The following SMC5 variants were observed in gnomAD, a reference collection of about 807,000 sequenced individuals.
The protein encoded by SMC5 is structural maintenance of chromosomes protein 5.
A neutral mutation model predicts 148.3 loss-of-function variants in SMC5; 88 were observed. That is an observed-to-expected ratio of 0.59 (90% CI 0.50 to 0.71). SMC5 has a LOEUF of 0.71. SMC5 is among the 30% of genes least tolerant of loss of function. SMC5 has a pLI of 0.00. For missense variants in SMC5, 1,142 were observed against 1,298.9 expected (o/e 0.88, Z 1.86); for synonymous variants, 421 against 432.8 (o/e 0.97, Z 0.34).
chr9:70,323,391 A>C, intron 15 of SMC5, 92 bp from the exon 16 acceptor site: 1 of 1,286,866 alleles, frequency 7.8e-7, no homozygotes, highest in Non-Finnish European at 1.1e-6. Context: ...AGTATTGCTA[A>C]ATATATCCCA....
Position 70,352,337 on chromosome 9 carries a change from G to A in SMC5, c.*6G>A. On this transcript the variant is annotated 3_prime_UTR_variant, in exon 25 of 25. Coordinates refer to ENST00000361138, the MANE Select transcript of SMC5 (RefSeq NM_015110.4). Reference sequence around the variant, plus strand: ...CATTCACTCAACCTTCTTAATAAAAGTAAAGAGAGGGAACTTGGGAATTTT... The same window carrying A: ...CATTCACTCAACCTTCTTAATAAAAATAAAGAGAGGGAACTTGGGAATTTT... The A allele has an allele frequency of 6.3e-7, 1 of 1,577,648 alleles. No individual in the cohort carries two copies. Among genetic ancestry groups the A allele is most frequent in the Non-Finnish European group, 8.6e-7 (1 of 1,165,312 alleles).
At chr9:70,302,494 G>GAAA (rs59742059) in intron 10 of SMC5, among the ~76,000 whole-genome samples, 8,725 of 142,604 alleles carry the variant, frequency 0.061, 297 homozygotes, top group South Asian at 0.1. Context: ...TCCGTCTCAA[G>GAAA]AAAAAAAAAT....
intron 17 of SMC5, among the ~76,000 whole-genome samples, chr9:70,338,523 G>GA (rs900766763): frequency 5.0e-4 from 74 of 149,408 alleles, no homozygotes; most frequent in East Asian, 1.2e-3. Flanking sequence ...TTAACTGCCA[G>GA]AAAAAAAAAA....
chr9:70,306,310 C>T (rs1414066290), intron 11 of SMC5, among the ~76,000 whole-genome samples: 1 of 151,980 alleles, frequency 6.6e-6, no homozygotes, highest in Non-Finnish European at 1.5e-5. Flanking sequence ...TCAAGTGGTC[C>T]TCTGTTTCTC....
intron 17 of SMC5, among the ~76,000 whole-genome samples, chr9:70,332,232 A>G (rs180703826): frequency 4.1e-4 from 63 of 152,258 alleles, no homozygotes; most frequent in African/African-American, 1.5e-3. Flanking sequence ...CATTTATAAA[A>G]TAATCCCAGC....
At chr9:70,268,554 A>G (rs1458161111) in intron 3 of SMC5, among the ~76,000 whole-genome samples, 1 of 151,932 alleles carries the variant, frequency 6.6e-6, no homozygotes, top group Non-Finnish European at 1.5e-5. Context: ...TACTACTATT[A>G]AGTAGTCATG....
At chr9:70,324,888 G>A (rs1268010778) in intron 17 of SMC5, among the ~76,000 whole-genome samples, 1 of 152,118 alleles carries the variant, frequency 6.6e-6, no homozygotes, top group African/African-American at 2.4e-5. Flanking sequence ...CAACATTTTG[G>A]AGGTTCCTAA....
chr9:70,346,263 C>A (rs2036664141), intron 18 of SMC5: 1 of 233,416 alleles, frequency 4.3e-6, no homozygotes, highest in Non-Finnish European at 8.3e-6. Context: ...AGAGGTTGAA[C>A]TGCTTTCTAA....
At chr9:70,343,735 G>T (rs2036585081) in intron 17 of SMC5, among the ~76,000 whole-genome samples, 1 of 152,068 alleles carries the variant, frequency 6.6e-6, no homozygotes, top group Non-Finnish European at 1.5e-5. Flanking sequence ...ATAATCACTT[G>T]AATCTGGGAG....
At chr9:70,268,993 CTG>C (rs1338449111) in intron 3 of SMC5, among the ~76,000 whole-genome samples, 2 of 152,070 alleles carry the variant, frequency 1.3e-5, no homozygotes, top group South Asian at 2.1e-4. Flanking sequence ...TTTTTAGAGA[CTG>C]TTGCTGTTGG....
intron 8 of SMC5, among the ~76,000 whole-genome samples, chr9:70,295,195 G>T (rs754476687): frequency 5.9e-5 from 9 of 152,050 alleles, no homozygotes; most frequent in Non-Finnish European, 1.3e-4. Context: ...GCGGGGCGCG[G>T]TGGCTCACAC....
chr9:70,321,402 T>C (rs899904653), intron 15 of SMC5, among the ~76,000 whole-genome samples: 2 of 137,998 alleles, frequency 1.4e-5, no homozygotes, highest in African/African-American at 2.5e-5. Flanking sequence ...GTCTTTTTTT[T>C]TTTTTTTTGA....
At position 70,324,099 on chromosome 9, in the gene SMC5, G is replaced by C; in HGVS notation, c.2353G>C (p.Glu785Gln). 6.2e-7 allele frequency: 1 copy of C among 1,600,132 alleles called. No individual in the cohort carries two copies. Among genetic ancestry groups the C allele is most frequent in the Non-Finnish European group, 8.5e-7 (1 of 1,177,492 alleles). ...TTVISEKNKL[E>Q]SDYMAASSQL... ...AGTGATCTCTGAGAAGAACAAATTA[G>C]AATCAGATTATATGGCCGCATCTTC... The change falls in exon 17 of 25, where the codon GAA becomes CAA. Residue 785 changes from glutamate (E) to glutamine (Q), a missense_variant. Glu to Gln is a conservative substitution (Grantham distance 29). Transcript: ENST00000361138.
rs1275647833 is a variant in SMC5, at chr9:70,352,257, C to T, written c.3232C>T (p.Leu1078=). The T allele has an allele frequency of 6.2e-7, 1 of 1,613,868 alleles. No homozygotes were observed. Among genetic ancestry groups the T allele is most frequent in the Admixed American group, 1.7e-5 (1 of 59,966 alleles). The change falls in exon 25 of 25, where the codon CTG becomes TTG. Residue 1078 remains leucine, a synonymous_variant. Transcript: ENST00000361138. ...GTTTGTCTACAATGGCCCTCATATG[C>T]TGGAACCAAACACATGGAATTTAAA... is the stretch of plus-strand genomic sequence containing the variant. ...VLFVYNGPHM[L]EPNTWNLKAF... is the part of the protein sequence containing the mutation.
chr9:70,289,055 T>A (rs2034985674), intron 8 of SMC5, among the ~76,000 whole-genome samples: 1 of 152,300 alleles, frequency 6.6e-6, no homozygotes, highest in African/African-American at 2.4e-5. Flanking sequence ...GTTGTTGTTA[T>A]GAGACGGAGT....
chr9:70,313,463 T>G (rs1479625176), intron 11 of SMC5, among the ~76,000 whole-genome samples: 1 of 152,110 alleles, frequency 6.6e-6, no homozygotes, highest in Admixed American at 6.6e-5. Context: ...TGGCATTTTA[T>G]TCTTATGCTT....
intron 8 of SMC5, among the ~76,000 whole-genome samples, chr9:70,289,626 CTCTT>C (rs943640727): frequency 2.2e-4 from 34 of 151,998 alleles, no homozygotes; most frequent in Admixed American, 1.2e-3. Context: ...GATTCCTCCT[CTCTT>C]TCTATTTTCT....
intron 22 of SMC5, among the ~76,000 whole-genome samples, chr9:70,349,743 C>G (rs1255274132): frequency 6.6e-6 from 1 of 152,104 alleles, no homozygotes; most frequent in African/African-American, 2.4e-5. Flanking sequence ...GTTTAAGAAC[C>G]TAGCATTTTG....
intron 8 of SMC5, among the ~76,000 whole-genome samples, chr9:70,297,275 A>G (rs1018308645): frequency 6.6e-6 from 1 of 152,234 alleles, no homozygotes; most frequent in African/African-American, 2.4e-5. Flanking sequence ...ACCATCAGGA[A>G]ATAAAGGTGT....
Sources: allele counts gnomAD v4.1 joint callset (sites outside exome capture counted in the v4.1 genomes callset), GRCh38; gene constraint gnomAD v4.1.1; transcripts MANE v1.5; gene names NCBI Gene and HGNC (gene_info 2026-07-23, HGNC 2026-07-21).